The following IFNGR2 variants were observed in gnomAD, a reference collection of about 807,000 sequenced individuals.
The protein encoded by IFNGR2 is interferon gamma receptor 2.
A neutral mutation model predicts 41.1 loss-of-function variants in IFNGR2; 15 were observed. The observed-to-expected ratio is 0.37, with a 90% CI of 0.24 to 0.56. IFNGR2 has a LOEUF of 0.56. Among genes scored for constraint, IFNGR2 ranks in the 20% least tolerant of loss-of-function variants. The pLI, the probability that IFNGR2 is intolerant of heterozygous loss-of-function variation, is 0.81. For synonymous variants in IFNGR2, 161 were observed against 171.6 expected (o/e 0.94, Z 0.48); for missense variants, 362 against 415.7 (o/e 0.87, Z 1.12).
chr21:33,407,453 G>A (rs2083684681), intron 1 of IFNGR2, among the ~76,000 whole-genome samples: 1 of 152,198 alleles, frequency 6.6e-6, no homozygotes, highest in Non-Finnish European at 1.5e-5. Context: ...CAGACGAGAT[G>A]CCAAGTGCTT....
chr21:33,415,767 T>A (rs972705481), intron 2 of IFNGR2, among the ~76,000 whole-genome samples: 1 of 152,222 alleles, frequency 6.6e-6, no homozygotes, highest in African/African-American at 2.4e-5. Context: ...GCATAGCCCT[T>A]TCAAAGAGGA....
intron 4 of IFNGR2, among the ~76,000 whole-genome samples, chr21:33,430,938 A>G (rs962593153): frequency 2.6e-5 from 4 of 152,144 alleles, no homozygotes; most frequent in Non-Finnish European, 5.9e-5. Flanking sequence ...GAAACCCTAT[A>G]CTGCCATAAT....
intron 6 of IFNGR2, 46 bp downstream of exon 6, chr21:33,432,917 GCT>G (rs937863192): frequency 6.0e-6 from 9 of 1,502,606 alleles, no homozygotes; most frequent in Non-Finnish European, 8.2e-6. Flanking sequence ...ACAGGGTCTT[GCT>G]CTGTTGCCCA....
chr21:33,410,718 T>A, intron 1 of IFNGR2: 1 of 708,424 alleles, frequency 1.4e-6, no homozygotes, highest in Middle Eastern at 2.9e-4. Context: ...TCCGCCCACC[T>A]CAGCCTCCCT....
chr21:33,413,704 G>C (rs2083732038), intron 1 of IFNGR2, among the ~76,000 whole-genome samples: 1 of 151,874 alleles, frequency 6.6e-6, no homozygotes, highest in Non-Finnish European at 1.5e-5. Context: ...TCCCTGTGAA[G>C]TACCTGCTTG....
At chr21:33,432,940 T>C in intron 6 of IFNGR2, 69 bp downstream of exon 6, 1 of 1,316,006 alleles carries the variant, frequency 7.6e-7, no homozygotes, top group Non-Finnish European at 1.1e-6. Context: ...GGCGGGAGTG[T>C]CATGGTACAA....
At chr21:33,414,395 G>A (rs902675962) in intron 1 of IFNGR2, among the ~76,000 whole-genome samples, 4 of 152,210 alleles carry the variant, frequency 2.6e-5, no homozygotes, top group Non-Finnish European at 5.9e-5. Flanking sequence ...ACGTATTTGC[G>A]GACATTTACC....
chr21:33,431,505 G>A (rs1048352574), intron 4 of IFNGR2, among the ~76,000 whole-genome samples: 6 of 152,174 alleles, frequency 3.9e-5, no homozygotes, highest in Non-Finnish European at 4.4e-5. Flanking sequence ...GGGAGGCGGA[G>A]GTTGCAGTGA....
At chr21:33,403,675 TG>T (rs1338929120) in intron 1 of IFNGR2, 59 bp downstream of exon 1, 4 of 867,484 alleles carry the variant, frequency 4.6e-6, no homozygotes, top group Non-Finnish European at 5.9e-6. Context: ...ATGTGGGGGC[TG>T]GGGGACTCCC....
chr21:33,428,328 C>T (rs748443754), intron 4 of IFNGR2, among the ~76,000 whole-genome samples: 5 of 151,780 alleles, frequency 3.3e-5, no homozygotes, highest in Non-Finnish European at 7.4e-5. Flanking sequence ...CTCAAGCAGT[C>T]CACCCACTTC....
chr21:33,416,013 G>C (rs949842726), intron 2 of IFNGR2, among the ~76,000 whole-genome samples: 2 of 152,132 alleles, frequency 1.3e-5, no homozygotes, highest in Non-Finnish European at 2.9e-5. Flanking sequence ...GAGCTACCAT[G>C]GCTGGCTAAT....
At chr21:33,407,546 C>T (rs1297136891) in intron 1 of IFNGR2, among the ~76,000 whole-genome samples, 2 of 152,188 alleles carry the variant, frequency 1.3e-5, no homozygotes, top group Non-Finnish European at 2.9e-5. Context: ...AAAGTCAAAC[C>T]TTTCTTGATA....
intron 4 of IFNGR2, among the ~76,000 whole-genome samples, chr21:33,428,125 C>T (rs1173885942): frequency 1.3e-5 from 2 of 152,060 alleles, no homozygotes; most frequent in Middle Eastern, 3.4e-3. Flanking sequence ...CAGAGCAGAG[C>T]AGAGCAGAGA....
intron 1 of IFNGR2, among the ~76,000 whole-genome samples, chr21:33,405,103 GAAAAAAA>G (rs3057379): frequency 2.3e-4 from 27 of 119,832 alleles, no homozygotes; most frequent in African/African-American, 4.4e-4. Context: ...CTCTGTCTCA[GAAAAAAA>G]AAAAAAAAAA....
At chr21:33,422,495 G>A (rs1349449729) in intron 3 of IFNGR2, among the ~76,000 whole-genome samples, 1 of 152,104 alleles carries the variant, frequency 6.6e-6, no homozygotes, top group Non-Finnish European at 1.5e-5. Context: ...TGGTGTTTTG[G>A]TTATGATTTT....
At chr21:33,417,154 T>A (rs944973988) in intron 2 of IFNGR2, among the ~76,000 whole-genome samples, 9 of 151,796 alleles carry the variant, frequency 5.9e-5, no homozygotes, top group Non-Finnish European at 8.8e-5. Flanking sequence ...TGCAGTGGCA[T>A]GATCATGGCT....
chr21:33,437,040 T>C lies in IFNGR2; in HGVS notation c.*78T>C, dbSNP rs1018241673. On this transcript the variant is annotated 3_prime_UTR_variant, in exon 7 of 7. Coordinates refer to ENST00000290219, the MANE Select transcript of IFNGR2 (RefSeq NM_005534.4). ...AGCTGCTAGAGTTCTGTCTGGACTTTCCAGAGACCAGTATTCCCTTTTGCT... is the reference window on the plus strand; with the variant it reads ...AGCTGCTAGAGTTCTGTCTGGACTTCCCAGAGACCAGTATTCCCTTTTGCT... 10 of 1,496,204 alleles carry C rather than the reference T, an allele frequency of 6.7e-6. No individual in the cohort carries two copies. The highest frequency in any genetic ancestry group is 4.1e-5 in the African/African-American group (3 of 72,458). The allele number at this position is 1,496,204 out of a possible 1,614,324, so 92.7% of individuals were successfully genotyped here. A position where few individuals can be genotyped will look rare whatever the true frequency, so the allele number is the denominator to read the frequency against.
At chr21:33,423,228 A>C (rs1470619452) in intron 3 of IFNGR2, among the ~76,000 whole-genome samples, 2 of 151,164 alleles carry the variant, frequency 1.3e-5, no homozygotes, top group African/African-American at 4.9e-5. Context: ...TTTAGTAGAG[A>C]TGGGGTTTCA....
chr21:33,403,154 G>C (rs2083652008), upstream of IFNGR2: 1 of 152,294 alleles, frequency 6.6e-6, no homozygotes, highest in Non-Finnish European at 1.5e-5. Context: ...CCGGGGTCTC[G>C]CGGGGCCCTT....
Sources: gnomAD v4.1 joint callset for allele counts (sites outside exome capture counted in the v4.1 genomes callset) on GRCh38, gnomAD v4.1.1 for gene constraint, MANE v1.5 for transcripts, NCBI Gene and HGNC (gene_info 2026-07-23, HGNC 2026-07-21) for gene names.